THRB: variants seen among roughly 807,000 people sequenced by gnomAD.
THRB encodes thyroid hormone receptor beta.
THRB carries 12 observed loss-of-function variants against 47.8 expected under a neutral mutation model. The observed-to-expected ratio is 0.25, with a 90% CI of 0.16 to 0.41. The LOEUF (loss-of-function observed/expected upper bound fraction) is 0.41. Ranked by LOEUF, THRB falls within the 10% of genes least tolerant of loss-of-function variation. The pLI is 1.00. For missense variants in THRB, 348 were observed against 589.2 expected, an observed-to-expected ratio of 0.59 and a Z score of 4.24; for synonymous variants, 218 against 212.2, an observed-to-expected ratio of 1.03 and a Z score of -0.24.
intron 2 of THRB, among the ~76,000 whole-genome samples, chr3:24,301,173 T>A (rs2056911549): frequency 6.6e-6 from 1 of 152,004 alleles, no homozygotes; most frequent in South Asian, 2.1e-4. Context: ...TCAGAGGGAG[T>A]GTGGCCCTGT....
intron 3 of THRB, among the ~76,000 whole-genome samples, chr3:24,230,374 T>A (rs2048131412): frequency 6.6e-6 from 1 of 152,220 alleles, no homozygotes; most frequent in African/African-American, 2.4e-5. Context: ...CAACAATATA[T>A]GTTGAACAAC....
intron 3 of THRB, among the ~76,000 whole-genome samples, chr3:24,284,565 G>A (rs9758722): frequency 0.027 from 4,010 of 149,820 alleles, 185 homozygotes; most frequent in African/African-American, 0.092. Flanking sequence ...GTCAACAAAA[G>A]CCAAAATTGA....
chr3:24,239,116 A>G (rs1055261642), intron 3 of THRB, among the ~76,000 whole-genome samples: 1 of 152,056 alleles, frequency 6.6e-6, no homozygotes, highest in Non-Finnish European at 1.5e-5. Context: ...TAAGTTTTGT[A>G]TTTTAAGTAG....
intron 1 of THRB, among the ~76,000 whole-genome samples, chr3:24,434,601 G>C (rs2070755303): frequency 6.6e-6 from 1 of 152,318 alleles, no homozygotes; most frequent in Middle Eastern, 3.4e-3. Context: ...ACTCAGCATA[G>C]GGTGGGATGT....
intron 2 of THRB, among the ~76,000 whole-genome samples, chr3:24,314,148 A>G (rs1179437016): frequency 1.3e-5 from 2 of 152,228 alleles, no homozygotes; most frequent in East Asian, 3.8e-4. Context: ...TTTTATCTCC[A>G]TTTCACAGAT....
chr3:24,487,468 C>A (rs754858877), intron 1 of THRB, among the ~76,000 whole-genome samples: 12 of 152,060 alleles, frequency 7.9e-5, no homozygotes, highest in African/African-American at 1.4e-4. Context: ...GAAACTTTTA[C>A]AAGTTGTTAA....
At chr3:24,464,115 A>G (rs570823047) in intron 1 of THRB, among the ~76,000 whole-genome samples, 55 of 152,268 alleles carry the variant, frequency 3.6e-4, no homozygotes, top group Non-Finnish European at 6.9e-4. Context: ...GCGAGGTGGC[A>G]GGCACCTGTA....
At chr3:24,445,614 T>A (rs575123117) in intron 1 of THRB, among the ~76,000 whole-genome samples, 46 of 152,260 alleles carry the variant, frequency 3.0e-4, no homozygotes, top group South Asian at 8.3e-4. Flanking sequence ...AAATTTTTTT[T>A]AAAAAACTAA....
At chr3:24,398,155 T>C (rs1035632873) in intron 1 of THRB, among the ~76,000 whole-genome samples, 39 of 151,808 alleles carry the variant, frequency 2.6e-4, no homozygotes, top group African/African-American at 9.4e-4. Flanking sequence ...AAAAAATGGA[T>C]TGAGGTGGGG....
chr3:24,197,202 A>G (rs1216890448), intron 4 of THRB, among the ~76,000 whole-genome samples: 1 of 152,184 alleles, frequency 6.6e-6, no homozygotes, highest in Non-Finnish European at 1.5e-5. Flanking sequence ...TTCTTATCCA[A>G]AAGCCACTGG....
intron 1 of THRB, chr3:24,430,978 A>G (rs184345263): frequency 1.3e-5 from 2 of 152,262 alleles, no homozygotes; most frequent in African/African-American, 2.4e-5. Context: ...AGAATGTTCC[A>G]TACTGTAACC....
chr3:24,147,385 G>C (rs774737695), intron 6 of THRB, among the ~76,000 whole-genome samples: 1 of 152,230 alleles, frequency 6.6e-6, no homozygotes, highest in Non-Finnish European at 1.5e-5. Flanking sequence ...GCCATGATCA[G>C]CTCACTTAGC....
intron 8 of THRB, among the ~76,000 whole-genome samples, chr3:24,136,807 G>A (rs895880522): frequency 5.3e-5 from 8 of 152,074 alleles, no homozygotes; most frequent in African/African-American, 1.9e-4. Flanking sequence ...TCCTCTCTTT[G>A]CCCTAAATGG....
At chr3:24,481,229 GTTT>G (rs746323691) in intron 1 of THRB, among the ~76,000 whole-genome samples, 70 of 55,368 alleles carry the variant, frequency 1.3e-3, no homozygotes, top group African/African-American at 4.4e-3. Context: ...GTTTCTTTCT[GTTT>G]TTTTTTTTTT....
chr3:24,410,441 T>A (rs1335132042), intron 1 of THRB, among the ~76,000 whole-genome samples: 1 of 151,866 alleles, frequency 6.6e-6, no homozygotes, highest in African/African-American at 2.4e-5. Flanking sequence ...AGAGCCGTAT[T>A]TCCAAGGTGG....
chr3:24,279,406 C>T (rs1044598099), intron 3 of THRB, among the ~76,000 whole-genome samples: 12 of 151,896 alleles, frequency 7.9e-5, no homozygotes, highest in South Asian at 4.2e-4. Flanking sequence ...TTTTTTGAGA[C>T]GGAGCCTCAT....
intron 1 of THRB, among the ~76,000 whole-genome samples, chr3:24,410,389 A>G (rs948388290): frequency 2.6e-5 from 4 of 151,838 alleles, no homozygotes; most frequent in Admixed American, 2.6e-4. Flanking sequence ...ATATTCCAAA[A>G]GCAGAATTGA....
At chr3:24,271,337 A>C (rs1324782963) in intron 3 of THRB, among the ~76,000 whole-genome samples, 1 of 152,192 alleles carries the variant, frequency 6.6e-6, no homozygotes, top group East Asian at 1.9e-4. Flanking sequence ...CAGCTCAAAA[A>C]AACAGGGGAA....
At position 24,449,178 on chromosome 3, in the gene THRB, G is replaced by A. The variant is rs549058615; in HGVS notation, c.-261+45474C>T. ...GATTATTAAAAATTCTTGAAGGCAA[G>A]CTACTTACAGCCATATTTCAGTACA... On this transcript the variant is annotated intron_variant, in intron 1 of 10. Transcript: ENST00000646209. 1.4e-4 allele frequency among the ~76,000 whole-genome samples: 22 copies of A among 152,296 alleles called. 1 individual carries two copies. In the South Asian group the frequency reaches 4.6e-3, roughly 32 times the overall value.
Sources: allele counts gnomAD v4.1 joint callset (sites outside exome capture counted in the v4.1 genomes callset), GRCh38; gene constraint gnomAD v4.1.1; transcripts MANE v1.5; gene names NCBI Gene and HGNC (gene_info 2026-07-23, HGNC 2026-07-21).